The following CELF5 variants were observed in gnomAD, a reference collection of about 807,000 sequenced individuals.
CELF5 encodes CUG-BP and ETR-3 like factor 5.
A neutral mutation model predicts 54.9 loss-of-function variants in CELF5; 6 were observed. That is an observed-to-expected ratio of 0.11 (90% CI 0.06 to 0.22). The LOEUF is 0.22. CELF5 is among the 10% of genes least tolerant of loss of function. The probability of loss-of-function intolerance (pLI) is 1.00; values close to 1 mark genes in which losing one functional copy is unlikely to be tolerated. For missense variants in CELF5, 401 were observed against 678.6 expected, an observed-to-expected ratio of 0.59 and a Z score of 4.54; for synonymous variants, 271 against 290.9, an observed-to-expected ratio of 0.93 and a Z score of 0.70.
At chr19:3,233,418 AG>A (rs1917364555) in intron 1 of CELF5, among the ~76,000 whole-genome samples, 1 of 152,226 alleles carries the variant, frequency 6.6e-6, no homozygotes, top group African/African-American at 2.4e-5. Flanking sequence ...AAGTTGAGAT[AG>A]GTGTGAGGTG....
At chr19:3,229,166 C>G (rs1917128287) in intron 1 of CELF5, among the ~76,000 whole-genome samples, 1 of 144,932 alleles carries the variant, frequency 6.9e-6, no homozygotes, top group Non-Finnish European at 1.5e-5. Context: ...CAGAGCTGGG[C>G]ATTTGGTGTG....
chr19:3,274,070 T>A, intron 3 of CELF5, 147 bp downstream of exon 3: 1 of 748,506 alleles, frequency 1.3e-6, no homozygotes, highest in African/African-American at 1.7e-5. Flanking sequence ...AAGCATGCAG[T>A]AGTCGCATGC....
intron 2 of CELF5, among the ~76,000 whole-genome samples, chr19:3,267,253 G>A (rs2079896467): frequency 6.6e-6 from 1 of 151,016 alleles, no homozygotes; most frequent in Non-Finnish European, 1.5e-5. Context: ...CAACCGCCCG[G>A]CCCAATACTG....
At position 3,228,440 on chromosome 19, in the gene CELF5, C is replaced by T. The variant is rs1208562102; in HGVS notation, c.259+3442C>T. Among the ~76,000 whole-genome samples the T allele has an allele frequency of 6.6e-6, 1 of 152,244 alleles. No homozygotes were observed. Among genetic ancestry groups the T allele is most frequent in the Non-Finnish European group, 1.5e-5 (1 of 68,040 alleles). On this transcript the variant is annotated intron_variant, in intron 1 of 12. Coordinates refer to ENST00000292672, the MANE Select transcript of CELF5 (RefSeq NM_021938.4). This position sits in a 1 kb window ranked among gnomAD's most constrained non-coding sequence, Gnocchi z 6.0. ...GCAGGCACCTCTGGAGCTGTGGCTG[C>T]CCCTGTCTATGGATGGTGGCTGCCT...
chr19:3,281,025 C>T lies in CELF5; in HGVS notation c.604-174C>T, dbSNP rs2080141541. 6.6e-6 allele frequency among the ~76,000 whole-genome samples: 1 copy of T among 152,210 alleles called. No individual in the cohort carries two copies. Among genetic ancestry groups the T allele is most frequent in the Admixed American group, 6.5e-5 (1 of 15,290 alleles). On this transcript the variant is annotated intron_variant, in intron 5 of 12. Coordinates refer to ENST00000292672, the MANE Select transcript of CELF5 (RefSeq NM_021938.4). The surrounding 1 kb of genome is among the most constrained non-coding windows in gnomAD (Gnocchi z 6.5). ...CTGCTGGGCCCAGGATGCTGATCTC[C>T]ACGCGGTCCTCGCTGTGGCCCTGGC...
intron 2 of CELF5, among the ~76,000 whole-genome samples, chr19:3,267,068 TGTGTGC>T (rs1222466004): frequency 2.0e-5 from 3 of 147,418 alleles, no homozygotes; most frequent in African/African-American, 5.0e-5. Flanking sequence ...AACACCTCTG[TGTGTGC>T]GTGTGCGTGT....
chr19:3,275,760 T>G lies in CELF5; in HGVS notation c.395-96T>G. ...GCAGGGCCCGGGCGCCGCGTCTTCC[T>G]GCCCTGCCGCCTCCACTCTGCTGGA... is the stretch of plus-strand genomic sequence containing the variant. On this transcript the variant is annotated intron_variant, in intron 3 of 12. Coordinates refer to ENST00000292672, the MANE Select transcript of CELF5 (RefSeq NM_021938.4). This position sits in a 1 kb window ranked among gnomAD's most constrained non-coding sequence, Gnocchi z 6.7. 1 of 1,371,814 alleles carries G rather than the reference T, an allele frequency of 7.3e-7. No individual in the cohort carries two copies. The highest frequency in any genetic ancestry group is 9.7e-7 in the Non-Finnish European group (1 of 1,028,384). The allele number at this position is 1,371,814 out of a possible 1,614,324, so 85.0% of individuals were successfully genotyped here.
Position 3,293,486 on chromosome 19 carries a change from G to A in CELF5, c.*40G>A. On this transcript the variant is annotated splice_region_variant and 3_prime_UTR_variant, in exon 12 of 13. Coordinates refer to ENST00000292672, the MANE Select transcript of CELF5 (RefSeq NM_021938.4). Reference sequence around the variant, plus strand: ...GCCCTGAGGCTGTAGGCATGGCCCAGGTGAGCCGCCAGGCGGCCCCACCCC... The same window carrying A: ...GCCCTGAGGCTGTAGGCATGGCCCAAGTGAGCCGCCAGGCGGCCCCACCCC... 1 of 1,602,846 alleles carries A rather than the reference G, an allele frequency of 6.2e-7. No homozygotes were observed. Among genetic ancestry groups the A allele is most frequent in the Non-Finnish European group, 8.5e-7 (1 of 1,173,318 alleles).
At chr19:3,235,646 GTGGATGGATGGATGGA>G (rs1273273181) in intron 1 of CELF5, among the ~76,000 whole-genome samples, 1 of 44,594 alleles carries the variant, frequency 2.2e-5, no homozygotes, top group African/African-American at 8.8e-5. Context: ...GGGTGGATGA[GTGGATGGATGGATGGA>G]TGGATGGATG....
intron 2 of CELF5, among the ~76,000 whole-genome samples, chr19:3,266,796 C>T (rs1382243160): frequency 6.6e-6 from 1 of 151,676 alleles, no homozygotes. Context: ...TGGTGAGGGG[C>T]GGATGGGGGC....
At chr19:3,287,049 A>AG (rs566945153) in intron 10 of CELF5, among the ~76,000 whole-genome samples, 36 of 113,722 alleles carry the variant, frequency 3.2e-4, no homozygotes, top group South Asian at 1.5e-3. Flanking sequence ...AAAAAAAAAA[A>AG]AAAAGAAAAG....
chr19:3,240,658 A>G (rs537434220), intron 1 of CELF5, among the ~76,000 whole-genome samples: 2 of 151,870 alleles, frequency 1.3e-5, no homozygotes, highest in African/African-American at 4.8e-5. Flanking sequence ...CCTATGTTCC[A>G]CACACCAGGC....
At chr19:3,236,953 C>G (rs938076551) in intron 1 of CELF5, among the ~76,000 whole-genome samples, 33 of 147,592 alleles carry the variant, frequency 2.2e-4, no homozygotes, top group Non-Finnish European at 3.0e-5. Flanking sequence ...CGCGCCACTG[C>G]ACTCCAGCCT....
In CELF5 at chr19:3,265,964, G is replaced by A. The variant is rs990097164; in HGVS notation, c.343-7908G>A. ...TGGGATTACAGGTGCCCACCACCAC[G>A]CCCAGCCAATTTTTGTATTTTTAGT... is the stretch of plus-strand genomic sequence containing the variant. On this transcript the variant is annotated intron_variant, in intron 2 of 12. Coordinates refer to ENST00000292672, the MANE Select transcript of CELF5 (RefSeq NM_021938.4). Among the ~76,000 whole-genome samples, 7 of 151,968 alleles carry A rather than the reference G, an allele frequency of 4.6e-5. No homozygotes were observed. The South Asian group carries it at 6.2e-4, about 14-fold the overall frequency.
In CELF5 at chr19:3,239,949, C is replaced by A. The variant is rs1263839155; in HGVS notation, c.260-11036C>A. ...TGCCCTTGACATCAGTCCAGCAGTT[C>A]TTTGCCTGTTTCACCCTCATCTGTC... is the stretch of plus-strand genomic sequence containing the variant. On this transcript the variant is annotated intron_variant, in intron 1 of 12. Coordinates refer to ENST00000292672, the MANE Select transcript of CELF5 (RefSeq NM_021938.4). 3.3e-5 allele frequency among the ~76,000 whole-genome samples: 5 copies of A among 151,986 alleles called. No individual in the cohort carries two copies. In the South Asian group the frequency reaches 1.0e-3, roughly 32 times the overall value.
At chr19:3,225,104 C>T in intron 1 of CELF5, 106 bp downstream of exon 1, 1 of 696,728 alleles carries the variant, frequency 1.4e-6, no homozygotes, top group Non-Finnish European at 2.2e-6. Flanking sequence ...CACCTCCCTC[C>T]TCTGCCTGCC....
chr19:3,277,922 T>G (rs2080082614), intron 4 of CELF5, 109 bp from the exon 5 acceptor site: 1 of 757,986 alleles, frequency 1.3e-6, no homozygotes, highest in Non-Finnish European at 2.3e-6. Flanking sequence ...TCTGGCTGCA[T>G]GTGTCTGACA....
chr19:3,264,455 A>C (rs536403999), intron 2 of CELF5, among the ~76,000 whole-genome samples: 1 of 149,320 alleles, frequency 6.7e-6, no homozygotes, highest in Non-Finnish European at 1.5e-5. Flanking sequence ...TTGCTGTGTC[A>C]CCCAGGCTGG....
intron 1 of CELF5, among the ~76,000 whole-genome samples, chr19:3,243,569 AC>A (rs1208519084): frequency 1.3e-5 from 2 of 152,152 alleles, no homozygotes; most frequent in Non-Finnish European, 2.9e-5. Flanking sequence ...GGTGTATGCC[AC>A]CACACCTGGC....
Sources: allele counts gnomAD v4.1 joint callset (sites outside exome capture counted in the v4.1 genomes callset), GRCh38; gene constraint gnomAD v4.1.1; non-coding constraint Gnocchi (gnomAD v3.1); transcripts MANE v1.5; gene names NCBI Gene and HGNC (gene_info 2026-07-23, HGNC 2026-07-21).